Variants in ARHGAP28 observed in about 807,000 individuals in gnomAD.
ARHGAP28 encodes Rho GTPase activating protein 28.
In ARHGAP28, 56 loss-of-function variants were observed where a neutral mutation model predicts 90.7. That is an observed-to-expected ratio of 0.62 (90% CI 0.50 to 0.77). The LOEUF is 0.77. Among genes scored for constraint, ARHGAP28 ranks in the 30% least tolerant of loss-of-function variants. The probability of loss-of-function intolerance (pLI) is 0.00; values close to 1 mark genes in which losing one functional copy is unlikely to be tolerated. For synonymous variants in ARHGAP28, 308 were observed against 323.3 expected, an observed-to-expected ratio of 0.95 and a Z score of 0.51; for missense variants, 869 against 900.9, an observed-to-expected ratio of 0.96 and a Z score of 0.45.
chr18:6,887,429 TG>T (rs1313731570), intron 12 of ARHGAP28, among the ~76,000 whole-genome samples, 190 bp downstream of exon 12: 1 of 74,658 alleles, frequency 1.3e-5, no homozygotes, highest in Non-Finnish European at 3.0e-5. Context: ...CTTGGTATCT[TG>T]TTTTTTTTTT....
chr18:6,849,108 A>C (rs1411383977), intron 3 of ARHGAP28, among the ~76,000 whole-genome samples: 1 of 151,936 alleles, frequency 6.6e-6, no homozygotes, highest in Non-Finnish European at 1.5e-5. Context: ...AATTAAAAAA[A>C]TTAGCCAGAT....
intron 4 of ARHGAP28, among the ~76,000 whole-genome samples, chr18:6,859,411 C>T (rs2056979853): frequency 6.6e-6 from 1 of 152,150 alleles, no homozygotes; most frequent in African/African-American, 2.4e-5. Context: ...GAGCATGTAT[C>T]AAATGAACCT....
intron 11 of ARHGAP28, among the ~76,000 whole-genome samples, chr18:6,885,735 A>G (rs562898681): frequency 6.6e-6 from 1 of 152,166 alleles, no homozygotes; most frequent in South Asian, 2.1e-4. Flanking sequence ...AATTTCTCTG[A>G]AGTTAATGGA....
chr18:6,803,976 T>G (rs2056501231), intron 1 of ARHGAP28, among the ~76,000 whole-genome samples: 1 of 152,150 alleles, frequency 6.6e-6, no homozygotes, highest in African/African-American at 2.4e-5. Flanking sequence ...AGATGGGGTT[T>G]CACCGTATTA....
Position 6,882,142 on chromosome 18 carries a change from C to G in ARHGAP28, c.1296C>G (p.Tyr432Ter). 6.2e-7 allele frequency: 1 copy of G among 1,612,034 alleles called. No homozygotes were observed. The highest frequency in any genetic ancestry group is 2.2e-5 in the East Asian group (1 of 44,830). The change falls in exon 11 of 18, where the codon TAC becomes TAG. Residue 432 changes from tyrosine (Y) to a stop codon, truncating the protein, a stop_gained. Coordinates refer to ENST00000383472, the MANE Select transcript of ARHGAP28 (RefSeq NM_001366230.1). LOFTEE classifies it high-confidence loss of function. ...CTGTTTTCCTTGATTTACAGCAATA[C>G]CGTGAAGAACTTGATGCCAAGTTTA... The part of the protein sequence containing the change: ...LSGCTAKVKQ[Y>*]REELDAKFNA...
chr18:6,804,773 T>A lies in ARHGAP28; in HGVS notation c.123-19989T>A, dbSNP rs183788397. Among the ~76,000 whole-genome samples, 6 of 152,376 alleles carry A rather than the reference T, an allele frequency of 3.9e-5. No individual in the cohort carries two copies. The East Asian group carries it at 9.6e-4, about 24-fold the overall frequency. On this transcript the variant is annotated intron_variant, in intron 1 of 17. Transcript: ENST00000383472. ...TTTGATTGTAGTCAAAGAACATATT[T>A]CAATGATTTGGATCCTTTTAAATTT...
intron 1 of ARHGAP28, among the ~76,000 whole-genome samples, chr18:6,782,590 G>GTTTTTTTTTTT (rs1567945690): frequency 1.9e-4 from 4 of 20,936 alleles, no homozygotes; most frequent in African/African-American, 4.7e-4. Context: ...GCTAATTTTT[G>GTTTTTTTTTTT]TATTTTTTTT....
intron 1 of ARHGAP28, among the ~76,000 whole-genome samples, chr18:6,749,493 G>A (rs1376064169): frequency 6.6e-6 from 1 of 152,164 alleles, no homozygotes; most frequent in Admixed American, 6.5e-5. Flanking sequence ...TTCAAATGAA[G>A]AAGGTGAGAT....
chr18:6,799,251 G>A (rs2056464244), intron 1 of ARHGAP28, among the ~76,000 whole-genome samples: 2 of 152,100 alleles, frequency 1.3e-5, no homozygotes, highest in Admixed American at 1.3e-4. Flanking sequence ...ACAAAAAAAT[G>A]GAAAAACATT....
rs935681577 is a variant in ARHGAP28 at position 6,729,873 on chromosome 18, G to A, written c.52G>A (p.Ala18Thr). 13 of 1,434,658 alleles carry A rather than the reference G, an allele frequency of 9.1e-6. No homozygotes were observed. In the African/African-American group the frequency reaches 1.8e-4, roughly 20 times the overall value. 88.9% of individuals were successfully genotyped at this position (1,434,658 alleles called of 1,614,324 possible). ...GVVLTAYHSY[A>T]RAQPPNAESR... Reference sequence around the variant, plus strand: ...GGTGCTGACCGCCTACCACTCGTACGCGCGCGCCCAGCCCCCCAACGCCGA... The same window carrying A: ...GGTGCTGACCGCCTACCACTCGTACACGCGCGCCCAGCCCCCCAACGCCGA... Residue 18 changes from alanine to threonine, a missense_variant, in exon 1 of 18, where the codon GCG (alanine) becomes ACG (threonine). Ala to Thr is a moderately conservative substitution (Grantham distance 58). Transcript: ENST00000383472.
At chr18:6,787,694 C>T (rs1157083923) in intron 1 of ARHGAP28, among the ~76,000 whole-genome samples, 4 of 152,060 alleles carry the variant, frequency 2.6e-5, no homozygotes, top group East Asian at 3.9e-4. Flanking sequence ...CATAGGTGTC[C>T]CCATGGGTGT....
chr18:6,841,208 C>CTCTCTCTCTCTCTCCTCTCT (rs1555631529), intron 3 of ARHGAP28, among the ~76,000 whole-genome samples: 1 of 43,136 alleles, frequency 2.3e-5, no homozygotes, highest in Admixed American at 2.9e-4. Context: ...TCTCTCCTCT[C>CTCTCTCTCTCTCTCCTCTCT]CTCTCTCTCT....
At chr18:6,803,275 G>A (rs2056495418) in intron 1 of ARHGAP28, among the ~76,000 whole-genome samples, 1 of 152,190 alleles carries the variant, frequency 6.6e-6, no homozygotes, top group South Asian at 2.1e-4. Flanking sequence ...AATTTGCTAA[G>A]AATTTTTTTA....
At chr18:6,732,858 C>T (rs1034412469) in intron 1 of ARHGAP28, among the ~76,000 whole-genome samples, 1 of 152,096 alleles carries the variant, frequency 6.6e-6, no homozygotes, top group Non-Finnish European at 1.5e-5. Context: ...TTAGCTGTAT[C>T]CCTACGGTTA....
intron 6 of ARHGAP28, among the ~76,000 whole-genome samples, chr18:6,870,045 A>G (rs1307459378): frequency 6.6e-6 from 1 of 152,238 alleles, no homozygotes; most frequent in African/African-American, 2.4e-5. Flanking sequence ...ATTAAATAAC[A>G]GAAATTCCGA....
At chr18:6,907,533 A>G (rs1186151312) in intron 16 of ARHGAP28, among the ~76,000 whole-genome samples, 1 of 152,192 alleles carries the variant, frequency 6.6e-6, no homozygotes, top group African/African-American at 2.4e-5. Flanking sequence ...CAAGTGGGGA[A>G]AAAAAGGCAA....
intron 2 of ARHGAP28, among the ~76,000 whole-genome samples, chr18:6,826,832 C>T (rs1567960527): frequency 1.3e-5 from 2 of 152,072 alleles, no homozygotes; most frequent in African/African-American, 2.4e-5. Context: ...GAGGACCCTG[C>T]GGCCTTCCGC....
intron 1 of ARHGAP28, among the ~76,000 whole-genome samples, chr18:6,809,942 A>G (rs1289402417): frequency 6.6e-6 from 1 of 152,208 alleles, no homozygotes; most frequent in African/African-American, 2.4e-5. Flanking sequence ...AATCATTGTC[A>G]CTATATTATA....
At chr18:6,759,533 A>G (rs181689002) in intron 1 of ARHGAP28, among the ~76,000 whole-genome samples, 2 of 152,368 alleles carry the variant, frequency 1.3e-5, no homozygotes, top group East Asian at 3.9e-4. Flanking sequence ...ATGTATATTT[A>G]GAGCTTAAGC....
Sources: allele counts gnomAD v4.1 joint callset (sites outside exome capture counted in the v4.1 genomes callset), GRCh38; gene constraint gnomAD v4.1.1; transcripts MANE v1.5; gene names NCBI Gene and HGNC (gene_info 2026-07-23, HGNC 2026-07-21).